RNF182: variants seen among roughly 807,000 people sequenced by gnomAD.
RNF182 encodes the protein ring finger protein 182, also known as E3 ubiquitin-protein ligase RNF182.
In RNF182, 15 loss-of-function variants were observed where a neutral mutation model predicts 14.4. The observed-to-expected ratio is 1.04, with a 90% CI of 0.70 to 1.60. The LOEUF is 1.60. Among genes scored for constraint, RNF182 ranks in the 40% most tolerant of loss-of-function variants. The probability of loss-of-function intolerance (pLI) is 0.00; values close to 1 mark genes in which losing one functional copy is unlikely to be tolerated. For missense variants in RNF182, 268 were observed against 294.8 expected (o/e 0.91, Z 0.67); for synonymous variants, 128 against 122.9 (o/e 1.04, Z -0.27).
chr6:13,954,282 T>C (rs1239584342), intron 1 of RNF182, among the ~76,000 whole-genome samples: 2 of 152,200 alleles, frequency 1.3e-5, no homozygotes, highest in Non-Finnish European at 2.9e-5. Flanking sequence ...CAGAAAACAA[T>C]TGCAGAGTAA....
intron 1 of RNF182, among the ~76,000 whole-genome samples, chr6:13,932,494 ATGTTACTTTAATGTATTTATTTT>A (rs1758998018): frequency 6.6e-6 from 1 of 152,180 alleles, no homozygotes; most frequent in Non-Finnish European, 1.5e-5. Context: ...TTTAAATCGC[ATGTTACTTTAATGTATTTATTTT>A]TCTATTTAGA....
chr6:13,960,692 T>TGTGTGTGTGTGTGCGCGCGC (rs367625022), intron 1 of RNF182, among the ~76,000 whole-genome samples: 16 of 137,692 alleles, frequency 1.2e-4, no homozygotes, highest in African/African-American at 4.1e-4. Flanking sequence ...TGTGTGTGTG[T>TGTGTGTGTGTGTGCGCGCGC]GCGCGCGTGC....
chr6:13,940,524 G>A (rs915435313), intron 1 of RNF182, among the ~76,000 whole-genome samples: 38 of 151,898 alleles, frequency 2.5e-4, no homozygotes, highest in African/African-American at 9.2e-4. Context: ...GTCTTGCCTG[G>A]GGTTTATCAA....
chr6:13,935,801 A>C (rs1184620117), intron 1 of RNF182, among the ~76,000 whole-genome samples: 2 of 152,234 alleles, frequency 1.3e-5, no homozygotes, highest in Non-Finnish European at 2.9e-5. Context: ...GATAGACATC[A>C]CTTATTATAA....
At chr6:13,948,696 G>A (rs905496140) in intron 1 of RNF182, among the ~76,000 whole-genome samples, 5 of 152,034 alleles carry the variant, frequency 3.3e-5, no homozygotes, top group African/African-American at 1.2e-4. Context: ...AAATAGCAAA[G>A]GTGTAAAACA....
chr6:13,975,857 C>T (rs1310716782), intron 2 of RNF182, among the ~76,000 whole-genome samples: 1 of 152,164 alleles, frequency 6.6e-6, no homozygotes, highest in Non-Finnish European at 1.5e-5. Context: ...GGTGAATCAA[C>T]TACCAAAAAT....
chr6:13,941,746 T>A (rs965876087), intron 1 of RNF182, among the ~76,000 whole-genome samples: 2 of 152,194 alleles, frequency 1.3e-5, no homozygotes, highest in Non-Finnish European at 2.9e-5. Context: ...TTTTCACTTA[T>A]GAATATACTT....
intron 1 of RNF182, among the ~76,000 whole-genome samples, chr6:13,970,943 C>T (rs939021764): frequency 3.3e-5 from 5 of 152,090 alleles, no homozygotes; most frequent in Admixed American, 2.6e-4. Flanking sequence ...CCTTTCCTTT[C>T]CTTTTTTACT....
At chr6:13,947,060 T>C (rs78944482) in intron 1 of RNF182, among the ~76,000 whole-genome samples, 1 of 128,824 alleles carries the variant, frequency 7.8e-6, no homozygotes, top group Non-Finnish European at 1.6e-5. Flanking sequence ...TTGTCTAAAA[T>C]TAAATAAGAG....
At chr6:13,925,113 ACG>A in intron 1 of RNF182, 90 bp downstream of exon 1, 6 of 55,288 alleles carry the variant, frequency 1.1e-4, no homozygotes, top group Middle Eastern at 0.011. Flanking sequence ...GCAGTCCTGG[ACG>A]GCGCCGGGCC....
At chr6:13,941,656 A>C (rs193206240) in intron 1 of RNF182, among the ~76,000 whole-genome samples, 1 of 151,654 alleles carries the variant, frequency 6.6e-6, no homozygotes, top group Non-Finnish European at 1.5e-5. Context: ...ATTTTAATTC[A>C]GTTTTCTTCT....
chr6:13,976,911 C>A lies in RNF182; in HGVS notation c.-209C>A. On this transcript the variant is annotated splice_region_variant and 5_prime_UTR_variant, in exon 3 of 3. Coordinates refer to ENST00000488300, the MANE Select transcript of RNF182 (RefSeq NM_152737.4). The stretch of plus-strand genomic sequence containing the variant: ...AGAATCTCTTTTCTTCTTTACAGAC[C>A]CTTCATGTGGCCTTTATAAATATGC... 1.7e-6 allele frequency: 1 copy of A among 578,180 alleles called. No homozygotes were observed. The allele number at this position is 578,180 out of a possible 1,614,324, so 35.8% of individuals were successfully genotyped here.
chr6:13,945,138 G>A (rs939094460), intron 1 of RNF182, among the ~76,000 whole-genome samples: 8 of 152,108 alleles, frequency 5.3e-5, no homozygotes, highest in African/African-American at 1.9e-4. Flanking sequence ...TGTTATGTTG[G>A]AGCTGGAAGG....
intron 1 of RNF182, among the ~76,000 whole-genome samples, chr6:13,950,841 G>T (rs1007693063): frequency 1.3e-5 from 2 of 151,878 alleles, no homozygotes; most frequent in Non-Finnish European, 2.9e-5. Context: ...CTGTCACCTA[G>T]GCTGGAGTGC....
intron 1 of RNF182, among the ~76,000 whole-genome samples, chr6:13,931,393 C>T (rs746356158): frequency 3.3e-5 from 5 of 152,100 alleles, no homozygotes; most frequent in Non-Finnish European, 7.4e-5. Flanking sequence ...ATGCTTTTTG[C>T]TACAGTGGGA....
chr6:13,956,028 T>C (rs1191317271), intron 1 of RNF182, among the ~76,000 whole-genome samples: 1 of 152,220 alleles, frequency 6.6e-6, no homozygotes, highest in African/African-American at 2.4e-5. Context: ...CACATATGAG[T>C]GAGAACGTTC....
intron 1 of RNF182, among the ~76,000 whole-genome samples, chr6:13,928,972 A>C (rs2113574798): frequency 6.6e-6 from 1 of 152,250 alleles, no homozygotes; most frequent in East Asian, 1.9e-4. Context: ...CCAGACTCTA[A>C]AGCAGATTAC....
At chr6:13,931,198 A>G (rs904867757) in intron 1 of RNF182, among the ~76,000 whole-genome samples, 2 of 152,210 alleles carry the variant, frequency 1.3e-5, no homozygotes, top group Non-Finnish European at 2.9e-5. Flanking sequence ...TATTTTTGGA[A>G]CAAAAACCAA....
In RNF182 at chr6:13,930,887, T is replaced by C. The variant is rs149237012; in HGVS notation, c.-367+5864T>C. On this transcript the variant is annotated intron_variant, in intron 1 of 2. Coordinates refer to ENST00000488300, the MANE Select transcript of RNF182 (RefSeq NM_152737.4). ...TACAGAGTTGGTAGATTTAAAAACA[T>C]GATTTGTGTGGATAAACCACAATCT... Among the ~76,000 whole-genome samples, 23 of 152,332 alleles carry C rather than the reference T, an allele frequency of 1.5e-4. 1 individual carries two copies. The highest frequency in any genetic ancestry group is 4.8e-4 in the African/African-American group (20 of 41,586).
Sources: allele counts gnomAD v4.1 joint callset (sites outside exome capture counted in the v4.1 genomes callset), GRCh38; gene constraint gnomAD v4.1.1; transcripts MANE v1.5; gene names NCBI Gene and HGNC (gene_info 2026-07-23, HGNC 2026-07-21).